Variants in SRPK2 observed in about 807,000 individuals in gnomAD.
SRPK2 encodes the protein SRSF protein kinase 2.
In SRPK2, 21 loss-of-function variants were observed where a neutral mutation model predicts 90.8. The ratio of observed to expected loss-of-function variants is 0.23; its 90% CI spans 0.16 to 0.33. SRPK2 has a LOEUF of 0.33. SRPK2 is among the 10% of genes least tolerant of loss of function. The pLI is 1.00. For missense variants in SRPK2, 620 were observed against 869.0 expected (o/e 0.71, Z 3.60); for synonymous variants, 288 against 311.1 (o/e 0.93, Z 0.78).
At chr7:105,280,922 G>T (rs7802653) in intron 2 of SRPK2, among the ~76,000 whole-genome samples, 1 of 118,998 alleles carries the variant, frequency 8.4e-6, no homozygotes. Flanking sequence ...ACTCCAGCCT[G>T]GGCGACAGAG....
At chr7:105,356,126 A>G (rs1817756870) in intron 2 of SRPK2, among the ~76,000 whole-genome samples, 1 of 152,110 alleles carries the variant, frequency 6.6e-6, no homozygotes, top group Non-Finnish European at 1.5e-5. Context: ...TTCTCTGTTC[A>G]TTTTCAGGAT....
Position 105,238,231 on chromosome 7 carries a change from T to C in SRPK2, c.72-34446A>G, listed in dbSNP as rs138063214. ...TTGCCTCAAAGTCCTAACTGATCAA[T>C]AGTCAAGGTAACAAAATCATCATCG... On this transcript the variant is annotated intron_variant, in intron 2 of 15. Coordinates refer to ENST00000393651, the MANE Select transcript of SRPK2 (RefSeq NM_182692.3). Among the ~76,000 whole-genome samples the C allele has an allele frequency of 1.9e-4, 29 of 152,306 alleles. No individual in the cohort carries two copies. The East Asian group carries it at 5.4e-3, about 28-fold the overall frequency.
In SRPK2 at chr7:105,167,417, C is replaced by A; in HGVS notation, c.474G>T (p.Gln158His). ...PSDPNKDMVV[Q>H]LIDDFKISGM... ...CTGAAATCTTGAAGTCGTCAATGAG[C>A]TGGACCACCATGTCTTTGTTTGGGT... The change falls in exon 6 of 16, where the codon CAG becomes CAT. Residue 158 changes from glutamine (Q) to histidine (H), a missense_variant. By Grantham distance (24) the Gln-to-His change is conservative (BLOSUM62 0). This residue lies in a region of SRPK2 where 196 missense variants were observed against 339.2 expected (regional missense o/e 0.58). Transcript: ENST00000393651. 6.2e-7 allele frequency: 1 copy of A among 1,613,788 alleles called. No homozygotes were observed. Among genetic ancestry groups the A allele is most frequent in the Non-Finnish European group, 8.5e-7 (1 of 1,179,796 alleles).
chr7:105,178,375 T>A (rs1043253909), intron 3 of SRPK2, among the ~76,000 whole-genome samples: 1 of 152,220 alleles, frequency 6.6e-6, no homozygotes, highest in Admixed American at 6.5e-5. Context: ...AGAGAAGCCA[T>A]TGTTATTTAA....
At chr7:105,197,188 G>A (rs1795020389) in intron 3 of SRPK2, among the ~76,000 whole-genome samples, 1 of 152,128 alleles carries the variant, frequency 6.6e-6, no homozygotes, top group Non-Finnish European at 1.5e-5. Context: ...AATTCAACCA[G>A]TCTACCGTTT....
intron 2 of SRPK2, among the ~76,000 whole-genome samples, chr7:105,217,045 G>A (rs1381456357): frequency 3.3e-5 from 5 of 152,294 alleles, no homozygotes; most frequent in Admixed American, 1.3e-4. Flanking sequence ...TTCCAGCTGT[G>A]ACCAATAAAT....
chr7:105,217,135 T>C (rs1054677410), intron 2 of SRPK2, among the ~76,000 whole-genome samples: 2 of 152,242 alleles, frequency 1.3e-5, no homozygotes, highest in African/African-American at 4.8e-5. Context: ...TCTGTTCATC[T>C]CTGACTATCC....
chr7:105,229,916 AC>A (rs1799220173), intron 2 of SRPK2, among the ~76,000 whole-genome samples: 9 of 152,210 alleles, frequency 5.9e-5, no homozygotes, highest in Admixed American at 5.9e-4. Context: ...TATTTTAAGT[AC>A]TAAGTGGTTT....
chr7:105,315,703 T>C (rs921823230), intron 2 of SRPK2, among the ~76,000 whole-genome samples: 7 of 152,200 alleles, frequency 4.6e-5, no homozygotes, highest in Non-Finnish European at 8.8e-5. Context: ...ACTTATAACA[T>C]AATATCAAGC....
intron 2 of SRPK2, among the ~76,000 whole-genome samples, chr7:105,334,923 C>G (rs1311818669): frequency 6.6e-6 from 1 of 150,786 alleles, no homozygotes; most frequent in East Asian, 1.9e-4. Context: ...TAATCCCAGA[C>G]TTTGGGAGGC....
At chr7:105,262,679 C>T (rs1468047774) in intron 2 of SRPK2, among the ~76,000 whole-genome samples, 4 of 152,200 alleles carry the variant, frequency 2.6e-5, no homozygotes, top group Non-Finnish European at 4.4e-5. Context: ...GGGTCACTTA[C>T]TGGTCTATGC....
chr7:105,338,534 G>A (rs1815387368), intron 2 of SRPK2, among the ~76,000 whole-genome samples: 1 of 152,160 alleles, frequency 6.6e-6, no homozygotes, highest in African/African-American at 2.4e-5. Flanking sequence ...TGGGATTACA[G>A]GCATAAGCCA....
intron 2 of SRPK2, among the ~76,000 whole-genome samples, chr7:105,315,961 C>T (rs1812263381): frequency 6.6e-6 from 1 of 151,858 alleles, no homozygotes; most frequent in Non-Finnish European, 1.5e-5. Context: ...TATTATGAAA[C>T]TCCCAGCCTT....
At chr7:105,264,616 GAGCTACAAGTAT>G (rs1374458649) in intron 2 of SRPK2, among the ~76,000 whole-genome samples, 6 of 152,044 alleles carry the variant, frequency 3.9e-5, no homozygotes, top group African/African-American at 1.4e-4. Context: ...CTTATCTATT[GAGCTACAAGTAT>G]AAAGACTCCC....
chr7:105,171,676 G>A (rs1375465549), intron 3 of SRPK2, among the ~76,000 whole-genome samples: 1 of 152,138 alleles, frequency 6.6e-6, no homozygotes, highest in Non-Finnish European at 1.5e-5. Context: ...ACCAGATACT[G>A]AGTTCGTGAG....
intron 2 of SRPK2, among the ~76,000 whole-genome samples, chr7:105,222,041 G>A (rs781361719): frequency 6.6e-5 from 10 of 152,008 alleles, no homozygotes; most frequent in Middle Eastern, 3.2e-3. Context: ...CATCATACAC[G>A]TCTACCAAAA....
At chr7:105,211,459 G>GC (rs1429271885) in intron 2 of SRPK2, among the ~76,000 whole-genome samples, 7 of 152,102 alleles carry the variant, frequency 4.6e-5, no homozygotes, top group African/African-American at 1.7e-4. Flanking sequence ...AATGATGCTG[G>GC]CATCTGCTAA....
chr7:105,170,034 T>A (rs986790039), intron 3 of SRPK2, among the ~76,000 whole-genome samples: 2 of 152,136 alleles, frequency 1.3e-5, no homozygotes, highest in Non-Finnish European at 2.9e-5. Context: ...CAGGTTGGTC[T>A]TGAACTCCTA....
intron 2 of SRPK2, among the ~76,000 whole-genome samples, chr7:105,236,857 C>A (rs1800204733): frequency 6.6e-6 from 1 of 152,154 alleles, no homozygotes; most frequent in South Asian, 2.1e-4. Flanking sequence ...TGAAAAGACA[C>A]AATGAACCAC....
Sources: allele counts gnomAD v4.1 joint callset (sites outside exome capture counted in the v4.1 genomes callset), GRCh38; gene constraint gnomAD v4.1.1; regional missense constraint gnomAD v4.1.1; transcripts MANE v1.5; gene names NCBI Gene and HGNC (gene_info 2026-07-23, HGNC 2026-07-21).